RBFOX2: variants seen among roughly 807,000 people sequenced by gnomAD.
RBFOX2 encodes the protein RNA binding protein fox-1 homolog 2.
In RBFOX2, 10 loss-of-function variants were observed where a neutral mutation model predicts 49.1. That is an observed-to-expected ratio of 0.20 (90% CI 0.13 to 0.35). RBFOX2 has a LOEUF of 0.35. Ranked by LOEUF, RBFOX2 falls within the 10% of genes least tolerant of loss-of-function variation. The pLI is 1.00. For missense variants in RBFOX2, 323 were observed against 486.9 expected, an observed-to-expected ratio of 0.66 and a Z score of 3.17; for synonymous variants, 183 against 187.4, an observed-to-expected ratio of 0.98 and a Z score of 0.19.
rs567055652 is a variant in RBFOX2, at chr22:35,875,051, C to A, written c.-34+63796G>T. Among the ~76,000 whole-genome samples, 18 of 152,246 alleles carry A rather than the reference C, an allele frequency of 1.2e-4. 1 individual carries two copies. The South Asian group carries it at 3.5e-3, about 30-fold the overall frequency. On this transcript the variant is annotated intron_variant, in intron 1 of 13. Coordinates refer to the RBFOX2 transcript ENST00000359369. The stretch of plus-strand genomic sequence containing the variant: ...GCACAAAGAAGAGGTTGTGTGAGCA[C>A]AAGACTAGATGGCAGTCACCTACAA...
chr22:35,945,770 G>GT (rs2054209414), intron 1 of RBFOX2, among the ~76,000 whole-genome samples: 1 of 152,128 alleles, frequency 6.6e-6, no homozygotes, highest in African/African-American at 2.4e-5. Context: ...ACCACAGGGC[G>GT]TCATTCTGCT....
intron 1 of RBFOX2, among the ~76,000 whole-genome samples, chr22:36,021,311 G>A (rs2059239394): frequency 6.6e-6 from 1 of 151,132 alleles, no homozygotes; most frequent in Admixed American, 6.6e-5. Flanking sequence ...CGAGTTAATG[G>A]GTGCAGCCAC....
chr22:35,874,002 A>C (rs1041587820), intron 1 of RBFOX2, among the ~76,000 whole-genome samples: 1 of 152,170 alleles, frequency 6.6e-6, no homozygotes, highest in South Asian at 2.1e-4. Context: ...TCACAGATCA[A>C]AAGGGAGAAA....
intron 1 of RBFOX2, among the ~76,000 whole-genome samples, chr22:35,887,568 C>T (rs944986465): frequency 3.3e-5 from 5 of 152,178 alleles, no homozygotes; most frequent in Non-Finnish European, 7.3e-5. Context: ...CCTTACTCCC[C>T]ATTACCATAT....
At chr22:35,755,789 C>A (rs1936711799) in intron 9 of RBFOX2, among the ~76,000 whole-genome samples, 1 of 152,066 alleles carries the variant, frequency 6.6e-6, no homozygotes, top group African/African-American at 2.4e-5. Context: ...TGCTGATCAT[C>A]TCACAAGTAA....
chr22:35,891,849 CAA>C (rs969989329), intron 1 of RBFOX2, among the ~76,000 whole-genome samples: 53 of 108,476 alleles, frequency 4.9e-4, no homozygotes, highest in Non-Finnish European at 4.3e-4. Context: ...CTGTGCAACG[CAA>C]AAAAAAAAAA....
At chr22:35,835,605 A>C (rs536914815) in intron 1 of RBFOX2, among the ~76,000 whole-genome samples, 1 of 152,176 alleles carries the variant, frequency 6.6e-6, no homozygotes, top group Admixed American at 6.5e-5. Context: ...AATTTAAGTA[A>C]TAGGTTGTCA....
intron 1 of RBFOX2, chr22:35,897,433 T>C (rs1034468473): frequency 2.3e-6 from 2 of 858,216 alleles, no homozygotes; most frequent in South Asian, 1.3e-5. Context: ...GTGATGTGAA[T>C]ACGCTCCACT....
intron 1 of RBFOX2, among the ~76,000 whole-genome samples, chr22:36,021,372 C>G (rs1046426977): frequency 2.0e-5 from 3 of 151,568 alleles, no homozygotes; most frequent in Non-Finnish European, 4.4e-5. Flanking sequence ...GTTGTGCACA[C>G]GTACCCTAGA....
chr22:35,982,479 GTCTC>G (rs374514580), intron 1 of RBFOX2, among the ~76,000 whole-genome samples: 11 of 151,302 alleles, frequency 7.3e-5, no homozygotes, highest in Non-Finnish European at 1.5e-4. Context: ...GTCATGGACT[GTCTC>G]TCTCTCTCTG....
intron 1 of RBFOX2, chr22:35,897,480 T>C (rs1027720880): frequency 3.6e-6 from 3 of 825,116 alleles, no homozygotes; most frequent in Non-Finnish European, 6.5e-6. Context: ...TGGGCTTATT[T>C]CAAAGTCTCT....
intron 2 of RBFOX2, among the ~76,000 whole-genome samples, chr22:35,799,747 A>C (rs1757466449): frequency 6.6e-6 from 1 of 152,100 alleles, no homozygotes; most frequent in South Asian, 2.1e-4. Flanking sequence ...CAGTAGTTCC[A>C]GACCAGCCAG....
chr22:35,778,537 C>A (rs544779512), intron 3 of RBFOX2, among the ~76,000 whole-genome samples: 2 of 152,162 alleles, frequency 1.3e-5, no homozygotes, highest in Non-Finnish European at 2.9e-5. Flanking sequence ...TAAAGATAAT[C>A]TGCAATCCTA....
chr22:35,788,629 T>C (rs548109177), intron 2 of RBFOX2, among the ~76,000 whole-genome samples: 2 of 152,384 alleles, frequency 1.3e-5, no homozygotes, highest in South Asian at 4.1e-4. Context: ...AATTGTCTTC[T>C]AGCTTTTAGC....
intron 1 of RBFOX2, among the ~76,000 whole-genome samples, chr22:35,950,033 T>C (rs1193653414): frequency 6.6e-6 from 1 of 152,150 alleles, no homozygotes; most frequent in East Asian, 1.9e-4. Context: ...TCTAAGAGTT[T>C]TATAGTTTTA....
At chr22:35,971,212 C>T (rs749418715) in intron 1 of RBFOX2, among the ~76,000 whole-genome samples, 8 of 152,146 alleles carry the variant, frequency 5.3e-5, no homozygotes, top group Non-Finnish European at 1.0e-4. Flanking sequence ...GGGTGCAAAA[C>T]ACCTTCCTAC....
intron 1 of RBFOX2, among the ~76,000 whole-genome samples, chr22:35,881,219 C>T (rs529934032): frequency 2.0e-5 from 3 of 151,716 alleles, no homozygotes; most frequent in Non-Finnish European, 2.9e-5. Context: ...AGCCGACGAT[C>T]GCGCCACTGC....
chr22:35,989,497 A>G (rs2057872781), intron 1 of RBFOX2, among the ~76,000 whole-genome samples: 1 of 152,190 alleles, frequency 6.6e-6, no homozygotes, highest in South Asian at 2.1e-4. Context: ...TGTTGTGGTT[A>G]AAGAGAAAAC....
intron 9 of RBFOX2, among the ~76,000 whole-genome samples, chr22:35,751,393 G>C (rs1255733565): frequency 2.0e-5 from 3 of 152,128 alleles, no homozygotes; most frequent in Non-Finnish European, 4.4e-5. Context: ...TAGATCAATA[G>C]AGCAGAGGGT....
Sources: gnomAD v4.1 joint callset for allele counts (sites outside exome capture counted in the v4.1 genomes callset) on GRCh38, gnomAD v4.1.1 for gene constraint, MANE v1.5 for transcripts, NCBI Gene and HGNC (gene_info 2026-07-23, HGNC 2026-07-21) for gene names.